Variants in DZIP1 observed in about 807,000 individuals in gnomAD.
DZIP1 encodes the protein DAZ interacting zinc finger protein 1, also known as cilium assembly protein DZIP1.
Under a neutral mutation model 107.6 loss-of-function variants are expected in DZIP1, and 97 were observed. The observed-to-expected ratio is 0.90, with a 90% confidence interval of 0.77 to 1.07. DZIP1 has a LOEUF of 1.07. Among genes scored for constraint, DZIP1 ranks in the 50% least tolerant of loss-of-function variants. DZIP1 has a pLI of 0.00. For missense variants in DZIP1, 1,035 were observed against 1,063.6 expected (o/e 0.97, Z 0.37); for synonymous variants, 390 against 386.4 (o/e 1.01, Z -0.11).
rs748385674 is a variant in DZIP1 at position 95,582,257 on chromosome 13, A to C, written c.2581T>G (p.Trp861Gly). The change falls in exon 23 of 23, where the codon TGG becomes GGG. Residue 861 changes from tryptophan (W) to glycine (G), a missense_variant. By Grantham distance (184) the Trp-to-Gly change is radical. Coordinates refer to ENST00000376829, the MANE Select transcript of DZIP1 (RefSeq NM_198968.4). ...LKSSLVTVTD[W>G]SDTSDV ...AATTAGACATCTGAAGTGTCGCTCCAATCAGTCACAGTTACTAAGCTGCTT... is the reference window on the plus strand; with the variant it reads ...AATTAGACATCTGAAGTGTCGCTCCCATCAGTCACAGTTACTAAGCTGCTT... The C allele has an allele frequency of 3.4e-5, 55 of 1,614,058 alleles. No individual in the cohort carries two copies. The highest frequency in any genetic ancestry group is 1.6e-4 in the Middle Eastern group (1 of 6,084).
At chr13:95,631,259 C>A (rs1438793924) in intron 6 of DZIP1, among the ~76,000 whole-genome samples, 1 of 152,032 alleles carries the variant, frequency 6.6e-6, no homozygotes, top group African/African-American at 2.4e-5. Context: ...AGTTCGAGAC[C>A]AGCCTGGGCA....
chr13:95,590,249 G>A (rs775367989), intron 17 of DZIP1, 30 bp downstream of exon 17: 1 of 1,530,040 alleles, frequency 6.5e-7, no homozygotes, highest in South Asian at 1.3e-5. Context: ...GTTAAATTAA[G>A]CTCCCATTTG....
chr13:95,612,487 A>C (rs1197328963), intron 10 of DZIP1, among the ~76,000 whole-genome samples: 6 of 152,238 alleles, frequency 3.9e-5, no homozygotes, highest in Admixed American at 3.3e-4. Flanking sequence ...CTTCTCCTGC[A>C]GAGTGGCTCT....
At chr13:95,621,286 G>A (rs1265498964) in intron 9 of DZIP1, among the ~76,000 whole-genome samples, 1 of 152,216 alleles carries the variant, frequency 6.6e-6, no homozygotes, top group Non-Finnish European at 1.5e-5. Context: ...GGAGTGCCAG[G>A]AAAGCAAAGA....
intron 16 of DZIP1, 119 bp downstream of exon 16, chr13:95,593,825 G>A: frequency 8.1e-7 from 1 of 1,230,794 alleles, no homozygotes. Flanking sequence ...GGTCACATTA[G>A]CCTCTGTTCT....
intron 5 of DZIP1, among the ~76,000 whole-genome samples, chr13:95,634,634 A>G (rs1877582479): frequency 6.6e-6 from 1 of 152,148 alleles, no homozygotes. Context: ...CCATCTATAT[A>G]CTCACCCCTG....
intron 22 of DZIP1, among the ~76,000 whole-genome samples, chr13:95,583,331 C>T (rs1248592940): frequency 1.3e-5 from 2 of 151,432 alleles, no homozygotes; most frequent in Admixed American, 6.6e-5. Context: ...GTGAGAGGTG[C>T]GGTGGGTGGT....
chr13:95,607,062 A>T (rs531826973), intron 13 of DZIP1, among the ~76,000 whole-genome samples: 104 of 152,072 alleles, frequency 6.8e-4, no homozygotes, highest in East Asian at 2.9e-3. Context: ...ATTTTTTTTT[A>T]AAAAACACAG....
chr13:95,622,258 T>A, intron 9 of DZIP1, 85 bp downstream of exon 9: 1 of 1,565,808 alleles, frequency 6.4e-7, no homozygotes, highest in Non-Finnish European at 8.7e-7. Flanking sequence ...AGACAAACAC[T>A]TTTTCTGCAG....
chr13:95,594,118 A>G, intron 15 of DZIP1, 32 bp from the exon 16 acceptor site: 3 of 1,552,696 alleles, frequency 1.9e-6, no homozygotes, highest in Non-Finnish European at 2.6e-6. Context: ...GTGTTAAAAA[A>G]AGAATTAAGC....
At chr13:95,629,361 C>T (rs1566421989) in intron 7 of DZIP1, among the ~76,000 whole-genome samples, 1 of 152,208 alleles carries the variant, frequency 6.6e-6, no homozygotes, top group Non-Finnish European at 1.5e-5. Context: ...CCCCGAGTAT[C>T]TCTGAACAAG....
intron 22 of DZIP1, among the ~76,000 whole-genome samples, chr13:95,584,132 A>G (rs1168514496): frequency 6.6e-6 from 1 of 151,812 alleles, no homozygotes; most frequent in Non-Finnish European, 1.5e-5. Flanking sequence ...GCGCACCACC[A>G]TGCCCAACTA....
rs1003659293 is a variant in DZIP1, at chr13:95,611,517, G to T, written c.1315-24C>A. On this transcript the variant is annotated intron_variant, in intron 11 of 22. Transcript: ENST00000376829. Reference sequence around the variant, plus strand: ...ATCTGCAAAGAAATACAGTCTTCTAGTGATACATTTGAAATTAGATAGGGA... The same window carrying T: ...ATCTGCAAAGAAATACAGTCTTCTATTGATACATTTGAAATTAGATAGGGA... 5.2e-5 allele frequency: 82 copies of T among 1,576,850 alleles called. 1 individual carries two copies. The highest frequency in any genetic ancestry group is 2.4e-5 in the Non-Finnish European group (27 of 1,146,720).
intron 10 of DZIP1, among the ~76,000 whole-genome samples, chr13:95,613,881 C>T (rs186260233): frequency 2.0e-5 from 3 of 152,192 alleles, no homozygotes; most frequent in East Asian, 1.9e-4. Flanking sequence ...AGTGCTCTTT[C>T]GGGAGGCCGA....
intron 11 of DZIP1, 25 bp downstream of exon 11, chr13:95,612,012 G>A (rs567830559): frequency 3.9e-5 from 63 of 1,607,720 alleles, no homozygotes; most frequent in African/African-American, 2.1e-4. Flanking sequence ...AAAGAAGCAC[G>A]GTGCCACACT....
At chr13:95,614,964 A>G (rs951453880) in intron 10 of DZIP1, among the ~76,000 whole-genome samples, 5 of 152,170 alleles carry the variant, frequency 3.3e-5, no homozygotes, top group African/African-American at 1.2e-4. Flanking sequence ...AATAATTAAT[A>G]GTTAGGTCTC....
At chr13:95,602,835 T>C (rs2044656741) in intron 14 of DZIP1, among the ~76,000 whole-genome samples, 1 of 152,188 alleles carries the variant, frequency 6.6e-6, no homozygotes, top group Non-Finnish European at 1.5e-5. Context: ...TGCAACACTA[T>C]TTGGGCCAGT....
chr13:95,610,061 TGTGTGTG>T (rs2044932870), intron 12 of DZIP1, among the ~76,000 whole-genome samples: 1 of 36,154 alleles, frequency 2.8e-5, no homozygotes, highest in Non-Finnish European at 4.5e-5. Context: ...GTTTAGTGTG[TGTGTGTG>T]TGTGTGTGTG....
At position 95,581,576 on chromosome 13, in the gene DZIP1, A is replaced by C. The variant is rs901815862; in HGVS notation, c.*658T>G. On this transcript the variant is annotated 3_prime_UTR_variant, in exon 23 of 23. Transcript: ENST00000376829. ...TTAACATTGGACCTAGCTATATTCT[A>C]ATCCTAAACTTACTTTTTTGGGGTG... The C allele has an allele frequency of 3.9e-5, 6 of 152,234 alleles. No homozygotes were observed. Among genetic ancestry groups the C allele is most frequent in the African/African-American group, 1.4e-4 (6 of 41,444 alleles). 9.4% of individuals were successfully genotyped at this position (152,234 alleles called of 1,614,324 possible).
Sources: gnomAD v4.1 joint callset for allele counts (sites outside exome capture counted in the v4.1 genomes callset) on GRCh38, gnomAD v4.1.1 for gene constraint, MANE v1.5 for transcripts, NCBI Gene and HGNC (gene_info 2026-07-23, HGNC 2026-07-21) for gene names.